The following KLHL13 variants were observed in gnomAD, a reference collection of about 807,000 sequenced individuals.
The protein encoded by KLHL13 is kelch-like protein 13.
Under a neutral mutation model 37.1 loss-of-function variants are expected in KLHL13, and 10 were observed. That is an observed-to-expected ratio of 0.27 (90% confidence interval 0.17 to 0.46). The LOEUF (loss-of-function observed/expected upper bound fraction) is 0.46. KLHL13 is among the 20% of genes least tolerant of loss of function. The pLI is 1.00. For missense variants in KLHL13, 360 were observed against 509.3 expected (o/e 0.71, Z 2.82); for synonymous variants, 163 against 181.2 (o/e 0.90, Z 0.81).
chrX:118,059,424 C>G (rs1292428744), intron 1 of KLHL13, among the ~76,000 whole-genome samples: 1 of 111,233 alleles, frequency 9.0e-6, no homozygotes, highest in Non-Finnish European at 1.9e-5. Flanking sequence ...TAGCAAATTC[C>G]CTAAAGCTAT....
intron 1 of KLHL13, among the ~76,000 whole-genome samples, chrX:117,960,008 T>C (rs1044644214): frequency 9.0e-6 from 1 of 110,892 alleles, no homozygotes; most frequent in African/African-American, 3.3e-5. Flanking sequence ...CAATTCATCA[T>C]TCTCATAATA....
chrX:117,954,588 A>G (rs184717776), intron 1 of KLHL13, among the ~76,000 whole-genome samples: 1 of 112,996 alleles, frequency 8.8e-6, no homozygotes, highest in African/African-American at 3.2e-5. Context: ...CCTTCTATAC[A>G]AACAAGTGAA....
chrX:117,942,163 G>T (rs1933072419), intron 2 of KLHL13, among the ~76,000 whole-genome samples: 1 of 111,766 alleles, frequency 8.9e-6, no homozygotes, highest in African/African-American at 3.3e-5. Context: ...TCTTAATCCT[G>T]AGTTCTAATT....
At chrX:118,006,143 C>G (rs1326663776) in intron 1 of KLHL13, among the ~76,000 whole-genome samples, 1 of 111,508 alleles carries the variant, frequency 9.0e-6, no homozygotes, top group Non-Finnish European at 1.9e-5. Context: ...TACTTTCTAT[C>G]CAACCCACAG....
At chrX:118,003,892 A>G (rs1365314232) in intron 1 of KLHL13, among the ~76,000 whole-genome samples, 2 of 109,747 alleles carry the variant, frequency 1.8e-5, no homozygotes, top group East Asian at 5.7e-4. Flanking sequence ...CACCATAGAG[A>G]CTCTTTGTGG....
rs1417040526 is a variant in KLHL13, at chrX:118,015,605, C to T, written c.-55-70030G>A. Among the ~76,000 whole-genome samples the T allele has an allele frequency of 2.7e-5, 3 of 111,098 alleles. No homozygotes were observed. The East Asian group carries it at 8.5e-4, about 31-fold the overall frequency. On this transcript the variant is annotated intron_variant, in intron 1 of 6. Coordinates refer to the KLHL13 transcript ENST00000371882. The stretch of plus-strand genomic sequence containing the variant: ...AAATTGGAGTAGCAATTATTCTCCC[C>T]AAGAACAGATATACTTTCTATGACC...
At chrX:118,084,409 G>C (rs1171951611) in intron 1 of KLHL13, among the ~76,000 whole-genome samples, 6 of 111,783 alleles carry the variant, frequency 5.4e-5, no homozygotes, top group Non-Finnish European at 1.1e-4. Context: ...GAGATAGCAT[G>C]AATATATTAG....
At chrX:117,901,735 C>G in intron 6 of KLHL13, 98 bp downstream of exon 7, 1 of 405,811 alleles carries the variant, frequency 2.5e-6, no homozygotes, top group East Asian at 4.1e-5. Context: ...AAACTCCTGA[C>G]GCCTGAATTA....
At chrX:118,029,133 G>C (rs766460421) in intron 1 of KLHL13, among the ~76,000 whole-genome samples, 9 of 111,324 alleles carry the variant, frequency 8.1e-5, no homozygotes, top group Admixed American at 4.8e-4. Flanking sequence ...ACAGGAAATT[G>C]GAATAAACTG....
chrX:117,945,266 G>C (rs1933262976), intron 2 of KLHL13, among the ~76,000 whole-genome samples, 168 bp downstream of exon 3: 1 of 111,096 alleles, frequency 9.0e-6, no homozygotes, highest in East Asian at 2.8e-4. Flanking sequence ...TCATTTTTTA[G>C]AGCCATTTTG....
At chrX:117,968,163 ATT>A (rs58913859) in intron 1 of KLHL13, among the ~76,000 whole-genome samples, 3 of 107,981 alleles carry the variant, frequency 2.8e-5, no homozygotes, top group African/African-American at 1.0e-4. Context: ...ATGTAATAGA[ATT>A]TTTTTTTTTC....
intron 1 of KLHL13, among the ~76,000 whole-genome samples, chrX:118,072,280 T>G (rs1163952305): frequency 2.7e-3 from 307 of 112,468 alleles, no homozygotes; most frequent in Non-Finnish European, 3.5e-3. Context: ...TAGCCATATG[T>G]AGAAAGCTGA....
At chrX:118,047,151 A>G (rs1369470370) in intron 1 of KLHL13, among the ~76,000 whole-genome samples, 1 of 111,521 alleles carries the variant, frequency 9.0e-6, no homozygotes, top group Non-Finnish European at 1.9e-5. Flanking sequence ...TTTTTTAAAA[A>G]GCAGAGGTTA....
chrX:117,970,724 A>G (rs1007887891), intron 1 of KLHL13, among the ~76,000 whole-genome samples: 2 of 111,836 alleles, frequency 1.8e-5, no homozygotes, highest in Non-Finnish European at 3.8e-5. Context: ...CAACATATTT[A>G]AAAACCTGAT....
At chrX:118,045,501 G>A (rs2054550621) in intron 1 of KLHL13, among the ~76,000 whole-genome samples, 1 of 110,711 alleles carries the variant, frequency 9.0e-6, no homozygotes, top group African/African-American at 3.3e-5. Context: ...TTAGAGAAAT[G>A]CAAATCAAAA....
chrX:117,937,108 C>T (rs1411458926), intron 2 of KLHL13, among the ~76,000 whole-genome samples: 3 of 111,477 alleles, frequency 2.7e-5, no homozygotes, highest in Non-Finnish European at 3.8e-5. Context: ...CTTTTGAAGC[C>T]GGAGTATGTG....
chrX:117,910,032 T>C, exon 5 of KLHL13: 1 of 1,204,429 alleles, frequency 8.3e-7, no homozygotes, highest in East Asian at 3.0e-5. Flanking sequence ...AACGTATTTA[T>C]CCACTTCGGT....
intron 1 of KLHL13, chrX:117,945,983 T>C (rs947824069): frequency 8.6e-6 from 1 of 116,079 alleles, no homozygotes; most frequent in African/African-American, 3.2e-5. Flanking sequence ...ATAGTCATTA[T>C]ATAGCAGGTA....
intron 1 of KLHL13, among the ~76,000 whole-genome samples, chrX:118,069,420 TAAAAAAAAAAA>T (rs66906743): frequency 1.5e-4 from 9 of 61,539 alleles, no homozygotes; most frequent in Non-Finnish European, 2.1e-4. Flanking sequence ...GTTTAAAATG[TAAAAAAAAAAA>T]AAAAAAAAAC....
Sources: gnomAD v4.1 joint callset for allele counts (sites outside exome capture counted in the v4.1 genomes callset) on GRCh38, gnomAD v4.1.1 for gene constraint, MANE v1.5 for transcripts, NCBI Gene and HGNC (gene_info 2026-07-23, HGNC 2026-07-21) for gene names.